KATNBL1: variants seen among roughly 807,000 people sequenced by gnomAD.
KATNBL1 encodes katanin regulatory subunit B1 like 1.
In KATNBL1, 28 loss-of-function variants were observed where a neutral mutation model predicts 44.7. The observed-to-expected ratio is 0.63, with a 90% CI of 0.46 to 0.86. The LOEUF is 0.86. Among genes scored for constraint, KATNBL1 ranks in the 40% least tolerant of loss-of-function variants. The pLI, the probability that KATNBL1 is intolerant of heterozygous loss-of-function variation, is 0.00. For missense variants in KATNBL1, 272 were observed against 350.7 expected (o/e 0.78, Z 1.79); for synonymous variants, 78 against 114.9 (o/e 0.68, Z 2.06).
chr15:34,186,934 C>T (rs987684949), intron 1 of KATNBL1, among the ~76,000 whole-genome samples: 3 of 152,214 alleles, frequency 2.0e-5, no homozygotes, highest in Admixed American at 1.3e-4. Context: ...GTGCCTCTTC[C>T]GGGCCCACCC....
chr15:34,155,567 C>A (rs970273558), intron 2 of KATNBL1, among the ~76,000 whole-genome samples: 2 of 152,148 alleles, frequency 1.3e-5, no homozygotes, highest in Admixed American at 6.5e-5. Context: ...TTGGACAGAG[C>A]AGTTAGACCT....
At chr15:34,208,597 T>A (rs1289656439) in intron 1 of KATNBL1, 3 of 152,208 alleles carry the variant, frequency 2.0e-5, no homozygotes, top group African/African-American at 7.2e-5. Context: ...CTTTCAAAAC[T>A]TTCAGGAAAG....
At chr15:34,174,995 C>A (rs1201211819) in intron 1 of KATNBL1, among the ~76,000 whole-genome samples, 1 of 151,874 alleles carries the variant, frequency 6.6e-6, no homozygotes, top group African/African-American at 2.4e-5. Context: ...GCCTGTAATC[C>A]CAGCACTGTG....
At chr15:34,168,054 C>T (rs564327884) in intron 1 of KATNBL1, among the ~76,000 whole-genome samples, 1 of 152,238 alleles carries the variant, frequency 6.6e-6, no homozygotes, top group South Asian at 2.1e-4. Flanking sequence ...AACTAGCTAG[C>T]ATCATAATGA....
chr15:34,184,698 G>A (rs1166956665), intron 1 of KATNBL1, among the ~76,000 whole-genome samples: 11 of 147,164 alleles, frequency 7.5e-5, no homozygotes, highest in Admixed American at 1.4e-4. Context: ...TCAGCCTCCC[G>A]AGTAGCTGGG....
chr15:34,192,418 A>AAC (rs1193489006), intron 1 of KATNBL1, among the ~76,000 whole-genome samples: 1 of 152,042 alleles, frequency 6.6e-6, no homozygotes, highest in Non-Finnish European at 1.5e-5. Flanking sequence ...AAAAAAAAAA[A>AAC]ACAAAAACAA....
At chr15:34,195,690 C>CA (rs5811824) in intron 1 of KATNBL1, among the ~76,000 whole-genome samples, 21,443 of 111,150 alleles carry the variant, frequency 0.19, 1,881 homozygotes, top group African/African-American at 0.26. Flanking sequence ...GACGCCATCT[C>CA]AAAAAAAAAA....
intron 9 of KATNBL1, among the ~76,000 whole-genome samples, chr15:34,143,491 G>A (rs1888212580): frequency 6.6e-6 from 1 of 150,934 alleles, no homozygotes; most frequent in Non-Finnish European, 1.5e-5. Context: ...AAAAAATTCT[G>A]ATTGAAAGCA....
intron 8 of KATNBL1, 176 bp downstream of exon 8, chr15:34,146,585 C>A: frequency 1.8e-6 from 1 of 541,976 alleles, no homozygotes; most frequent in Non-Finnish European, 3.3e-6. Context: ...CTCTGGAATT[C>A]AATTTCCAGG....
At position 34,193,229 on chromosome 15, in the gene KATNBL1, A is replaced by AAAAAC. The variant is rs1555530406; in HGVS notation, c.-15+16721_-15+16722insGTTTT. On this transcript the variant is annotated intron_variant, in intron 1 of 9. Coordinates refer to ENST00000256544, the MANE Select transcript of KATNBL1 (RefSeq NM_024713.3). ...GAGACTCCGTCTCAAAAAAAAAAAA[A>AAAAAC]AAAAAACAAAAAAAAAACTTAAGGC... Among the ~76,000 whole-genome samples, 789 of 127,886 alleles carry AAAAAC rather than the reference A, an allele frequency of 6.2e-3. 6 individuals carry two copies. The highest frequency in any genetic ancestry group is 0.019 in the African/African-American group (669 of 35,026). The allele number at this position is 127,886 out of a possible 152,430, so 83.9% of individuals were successfully genotyped here. A position where few individuals can be genotyped will look rare whatever the true frequency, so the allele number is the denominator to read the frequency against.
chr15:34,155,511 C>G (rs562769102), intron 2 of KATNBL1, among the ~76,000 whole-genome samples: 1 of 151,050 alleles, frequency 6.6e-6, no homozygotes, highest in East Asian at 1.9e-4. Context: ...ATTTTTCTAG[C>G]CACCCTGTGA....
intron 9 of KATNBL1, chr15:34,144,999 G>T: frequency 1.2e-6 from 1 of 802,902 alleles, no homozygotes; most frequent in Non-Finnish European, 1.5e-6. Flanking sequence ...TTCTCAAAAA[G>T]CATAACATTA....
intron 1 of KATNBL1, among the ~76,000 whole-genome samples, chr15:34,197,910 C>A (rs1890067936): frequency 1.3e-5 from 2 of 151,956 alleles, no homozygotes; most frequent in Admixed American, 6.6e-5. Flanking sequence ...ACCACACCCA[C>A]CTAATTTTTT....
intron 1 of KATNBL1, among the ~76,000 whole-genome samples, chr15:34,192,414 A>C (rs111718435): frequency 0.2 from 30,659 of 151,646 alleles, 3,854 homozygotes; most frequent in African/African-American, 0.35. Context: ...AAAAAAAAAA[A>C]AAAAACAAAA....
chr15:34,193,879 A>AAAAAAAAAAC, intron 1 of KATNBL1, among the ~76,000 whole-genome samples: 1 of 142,314 alleles, frequency 7.0e-6, no homozygotes, highest in African/African-American at 2.6e-5. Context: ...AAAAAAAAAA[A>AAAAAAAAAAC]ATCACCAGCA....
chr15:34,163,296 G>A lies in KATNBL1; in HGVS notation c.117+264C>T, dbSNP rs151120358. Among the ~76,000 whole-genome samples the A allele has an allele frequency of 1.9e-3, 286 of 150,798 alleles. 2 individuals are homozygous for A. Among genetic ancestry groups the A allele is most frequent in the African/African-American group, 6.6e-3 (273 of 41,116 alleles). ...TGACCTCAGGTGATCCACCCACCTC[G>A]GCCTCCCAAAGTGCTGGAATTACAG... On this transcript the variant is annotated intron_variant, in intron 2 of 9. Coordinates refer to ENST00000256544, the MANE Select transcript of KATNBL1 (RefSeq NM_024713.3).
chr15:34,208,614 A>C (rs1323052879), intron 1 of KATNBL1: 1 of 152,224 alleles, frequency 6.6e-6, no homozygotes, highest in Non-Finnish European at 1.5e-5. Context: ...AAAGGATATA[A>C]AGGAATTGAA....
intron 4 of KATNBL1, among the ~76,000 whole-genome samples, chr15:34,150,232 G>C (rs1888427533): frequency 6.6e-6 from 1 of 152,210 alleles, no homozygotes. Flanking sequence ...AGTAAAAAGA[G>C]GTTCTTGAGA....
chr15:34,149,671 T>G (rs918478386), intron 4 of KATNBL1, among the ~76,000 whole-genome samples: 3 of 152,206 alleles, frequency 2.0e-5, no homozygotes, highest in Middle Eastern at 3.2e-3. Context: ...ATGATCCGCC[T>G]GCCTTGGCCT....
Sources: allele counts gnomAD v4.1 joint callset (sites outside exome capture counted in the v4.1 genomes callset), GRCh38; gene constraint gnomAD v4.1.1; transcripts MANE v1.5; gene names NCBI Gene and HGNC (gene_info 2026-07-23, HGNC 2026-07-21).